ATXN8OS: variants seen among roughly 807,000 people sequenced by gnomAD.
ATXN8OS encodes the protein ATXN8 opposite strand (non-protein coding).
intron 4 of ATXN8OS, among the ~76,000 whole-genome samples, chr13:70,162,391 G>T (rs1208704534): frequency 6.6e-6 from 1 of 152,118 alleles, no homozygotes; most frequent in African/African-American, 2.4e-5. Flanking sequence ...GATACAGGCA[G>T]CCTGAACCAA....
intron 3 of ATXN8OS, among the ~76,000 whole-genome samples, chr13:70,138,672 A>G (rs550550394): frequency 8.1e-4 from 124 of 152,280 alleles, no homozygotes; most frequent in Non-Finnish European, 9.7e-4. Flanking sequence ...ATGCATTCCA[A>G]AATGAAAGAG....
At chr13:70,138,226 C>T (rs1282627802) in intron 3 of ATXN8OS, among the ~76,000 whole-genome samples, 1 of 151,990 alleles carries the variant, frequency 6.6e-6, no homozygotes, top group Non-Finnish European at 1.5e-5. Flanking sequence ...TTAGACTTGG[C>T]TTTAACAATA....
At chr13:70,170,064 A>G (rs1233310811) in exon 5 of ATXN8OS, among the ~76,000 whole-genome samples, 1 of 152,146 alleles carries the variant, frequency 6.6e-6, no homozygotes, top group Non-Finnish European at 1.5e-5. Flanking sequence ...AGCATCGACT[A>G]CACTCACAAA....
chr13:70,127,596 A>C (rs1593761928), intron 2 of ATXN8OS, among the ~76,000 whole-genome samples: 2 of 152,070 alleles, frequency 1.3e-5, no homozygotes, highest in East Asian at 3.9e-4. Context: ...TTGAAGAAAA[A>C]AGCCATGATG....
chr13:70,162,359 A>G (rs185539164), intron 4 of ATXN8OS, among the ~76,000 whole-genome samples: 4 of 152,262 alleles, frequency 2.6e-5, no homozygotes, highest in Non-Finnish European at 4.4e-5. Context: ...CTTTAGAGGA[A>G]GCTGAACAAA....
rs74901253 is a variant in ATXN8OS, at chr13:70,142,453, G to C, written n.500-4902G>C. 1.7e-3 allele frequency among the ~76,000 whole-genome samples: 254 copies of C among 152,296 alleles called. 1 individual carries two copies. The highest frequency in any genetic ancestry group is 5.9e-3 in the African/African-American group (246 of 41,570). On this transcript the variant is annotated intron_variant and non_coding_transcript_variant, in intron 3 of 4. Coordinates refer to ENST00000678624, the Ensembl canonical transcript of ATXN8OS. ...TGATTCAAAACCTTTCCCTCAGGAA[G>C]GATGTAGGTTTACTTTAAGTCCTCA...
At chr13:70,131,930 G>C (rs1021620049) in intron 3 of ATXN8OS, among the ~76,000 whole-genome samples, 1 of 152,068 alleles carries the variant, frequency 6.6e-6, no homozygotes, top group Non-Finnish European at 1.5e-5. Context: ...AATGAATAAA[G>C]ATATGAATAC....
At chr13:70,163,730 CT>C (rs1555302130) in intron 4 of ATXN8OS, among the ~76,000 whole-genome samples, 3 of 151,772 alleles carry the variant, frequency 2.0e-5, no homozygotes, top group East Asian at 1.9e-4. Context: ...TCAGTATATA[CT>C]TTTTTTGAAC....
At position 70,119,763 on chromosome 13, in the gene ATXN8OS, C is replaced by T. The variant is rs1174169777; in HGVS notation, n.398+4465C>T. Among the ~76,000 whole-genome samples, 4 of 151,972 alleles carry T rather than the reference C, an allele frequency of 2.6e-5. No individual in the cohort carries two copies. The East Asian group carries it at 5.8e-4, about 22-fold the overall frequency. On this transcript the variant is annotated intron_variant and non_coding_transcript_variant, in intron 2 of 4. Coordinates refer to ENST00000678624, the Ensembl canonical transcript of ATXN8OS. ...GGCAGAAGTCAAAACTCAGTCAAAC[C>T]TTTTTGTCATGCTCAAAAAAACTTG...
chr13:70,123,229 A>C (rs1015134494), intron 2 of ATXN8OS, among the ~76,000 whole-genome samples: 2 of 152,096 alleles, frequency 1.3e-5, no homozygotes, highest in African/African-American at 4.8e-5. Flanking sequence ...ACTGATGCCC[A>C]TAAGTTGTAA....
At position 70,151,696 on chromosome 13, in the gene ATXN8OS, T is replaced by A. The variant is rs7139836; in HGVS notation, n.573+4268T>A. On this transcript the variant is annotated intron_variant and non_coding_transcript_variant, in intron 4 of 4. Transcript: ENST00000678624. ...ATAGGGTAACATATACTTTAGTTAA[T>A]TGGAAGTCACTGAATAGGAGGGAGC... 2.6e-5 allele frequency among the ~76,000 whole-genome samples: 4 copies of A among 152,172 alleles called. No homozygotes were observed. The South Asian group carries it at 8.3e-4, about 32-fold the overall frequency.
At chr13:70,122,456 G>C (rs1046377754) in intron 2 of ATXN8OS, among the ~76,000 whole-genome samples, 1 of 151,764 alleles carries the variant, frequency 6.6e-6, no homozygotes, top group Non-Finnish European at 1.5e-5. Flanking sequence ...AAAATTAACT[G>C]AATAAAACAT....
At chr13:70,130,535 T>A (rs970706361) in intron 3 of ATXN8OS, 19 of 394,422 alleles carry the variant, frequency 4.8e-5, no homozygotes, top group African/African-American at 3.7e-4. Context: ...CATAATGTGA[T>A]GTAGGGGAAG....
chr13:70,154,998 A>G (rs940063326), intron 4 of ATXN8OS, among the ~76,000 whole-genome samples: 7 of 152,186 alleles, frequency 4.6e-5, no homozygotes, highest in Non-Finnish European at 8.8e-5. Flanking sequence ...AGCTTGCTTC[A>G]AGCTAGCCAA....
chr13:70,135,629 T>C (rs1248466524), intron 3 of ATXN8OS, among the ~76,000 whole-genome samples: 1 of 146,824 alleles, frequency 6.8e-6, no homozygotes, highest in East Asian at 2.0e-4. Flanking sequence ...ATATTGAACT[T>C]TTTTTCTTAC....
At chr13:70,134,447 C>T (rs900247531) in intron 3 of ATXN8OS, among the ~76,000 whole-genome samples, 5 of 152,170 alleles carry the variant, frequency 3.3e-5, no homozygotes, top group African/African-American at 1.2e-4. Flanking sequence ...GCGCATGTCT[C>T]ATGGTGGCCA....
chr13:70,112,313 T>C (rs548902321), intron 1 of ATXN8OS, among the ~76,000 whole-genome samples: 8 of 152,170 alleles, frequency 5.3e-5, no homozygotes, highest in South Asian at 2.1e-4. Context: ...ATATCATACA[T>C]TAATATAAAA....
intron 4 of ATXN8OS, among the ~76,000 whole-genome samples, chr13:70,168,979 T>C (rs1374335950): frequency 6.6e-6 from 1 of 152,112 alleles, no homozygotes; most frequent in Non-Finnish European, 1.5e-5. Context: ...ATAGAAGAAA[T>C]TGTAAACCAG....
At chr13:70,161,499 C>T (rs1470287186) in intron 4 of ATXN8OS, among the ~76,000 whole-genome samples, 1 of 152,140 alleles carries the variant, frequency 6.6e-6, no homozygotes, top group Non-Finnish European at 1.5e-5. Context: ...TCTACACCTT[C>T]TTTCTGTACT....
Sources: gnomAD v4.1 joint callset for allele counts (sites outside exome capture counted in the v4.1 genomes callset) on GRCh38, gnomAD v4.1.1 for gene constraint, MANE v1.5 for transcripts, NCBI Gene and HGNC (gene_info 2026-07-23, HGNC 2026-07-21) for gene names.